Variants in PDSS2 observed in about 807,000 individuals in gnomAD.
The protein encoded by PDSS2 is decaprenyl diphosphate synthase subunit 2.
In PDSS2, 31 loss-of-function variants were observed where a neutral mutation model predicts 44.5. That is an observed-to-expected ratio of 0.70 (90% CI 0.52 to 0.94). PDSS2 has a LOEUF of 0.94. Ranked by LOEUF, PDSS2 falls within the 40% of genes least tolerant of loss-of-function variation. PDSS2 has a pLI of 0.00. For missense variants in PDSS2, 452 were observed against 482.2 expected (o/e 0.94, Z 0.59); for synonymous variants, 157 against 180.3 (o/e 0.87, Z 1.03).
At chr6:107,439,531 G>C (rs1202294434) in intron 1 of PDSS2, among the ~76,000 whole-genome samples, 2 of 152,182 alleles carry the variant, frequency 1.3e-5, no homozygotes, top group Admixed American at 1.3e-4. Context: ...TGACCAGCAA[G>C]CTTGCAGAGG....
chr6:107,340,601 T>C (rs974152403), intron 1 of PDSS2, among the ~76,000 whole-genome samples: 1 of 152,186 alleles, frequency 6.6e-6, no homozygotes, highest in Non-Finnish European at 1.5e-5. Flanking sequence ...TATGGTTAAA[T>C]TGAATAATAC....
At chr6:107,281,001 A>G (rs572929941) in intron 2 of PDSS2, among the ~76,000 whole-genome samples, 6 of 152,190 alleles carry the variant, frequency 3.9e-5, no homozygotes, top group Non-Finnish European at 8.8e-5. Context: ...AGTCTGGCCA[A>G]TGAAATGTAA....
In PDSS2 at chr6:107,270,440, C is replaced by T. The variant is rs146735993; in HGVS notation, c.630+3589G>A. 4.6e-5 allele frequency among the ~76,000 whole-genome samples: 7 copies of T among 152,068 alleles called. No individual in the cohort carries two copies. The East Asian group carries it at 1.4e-3, about 29-fold the overall frequency. On this transcript the variant is annotated intron_variant, in intron 3 of 7. Transcript: ENST00000369037. ...AGTGTATTTTTCATCTGACATCCAC[C>T]GTGCCTGGCCTGAAGTGTATTTTTT...
intron 7 of PDSS2, among the ~76,000 whole-genome samples, chr6:107,183,894 C>CA (rs60428632): frequency 0.31 from 45,529 of 146,834 alleles, 7,240 homozygotes; most frequent in East Asian, 0.53. Context: ...GACTCCATCT[C>CA]AAAAAAAAAA....
intron 1 of PDSS2, among the ~76,000 whole-genome samples, chr6:107,429,738 G>A (rs1419838231): frequency 2.0e-5 from 3 of 151,126 alleles, no homozygotes; most frequent in African/African-American, 4.9e-5. Flanking sequence ...TACAAAATTA[G>A]CTGGGCGTGG....
intron 1 of PDSS2, among the ~76,000 whole-genome samples, chr6:107,396,687 T>C (rs1562511859): frequency 7.0e-6 from 1 of 142,804 alleles, no homozygotes; most frequent in Non-Finnish European, 1.5e-5. Flanking sequence ...TCTTTTTTTT[T>C]TTTTTTTTTT....
intron 1 of PDSS2, among the ~76,000 whole-genome samples, chr6:107,415,602 A>G (rs1780633496): frequency 1.3e-5 from 2 of 152,032 alleles, no homozygotes; most frequent in South Asian, 4.1e-4. Context: ...GCAATTAACA[A>G]CTCATTTATT....
At chr6:107,154,804 A>C in intron 7 of PDSS2, 27 bp from the exon 8 acceptor site, 1 of 1,612,208 alleles carries the variant, frequency 6.2e-7, no homozygotes. Flanking sequence ...GCATGATAAA[A>C]GTCAGTTTTA....
intron 7 of PDSS2, among the ~76,000 whole-genome samples, chr6:107,178,874 A>G (rs1362467509): frequency 2.0e-5 from 3 of 152,164 alleles, no homozygotes; most frequent in African/African-American, 7.2e-5. Flanking sequence ...ACAAATAACA[A>G]AAGAGAATAC....
intron 7 of PDSS2, among the ~76,000 whole-genome samples, chr6:107,156,355 C>A (rs1022050084): frequency 6.6e-6 from 1 of 151,942 alleles, no homozygotes; most frequent in Non-Finnish European, 1.5e-5. Context: ...CCACCATGCC[C>A]GGCTAATTTT....
chr6:107,327,363 T>C (rs1482316515), intron 2 of PDSS2, among the ~76,000 whole-genome samples: 3 of 152,174 alleles, frequency 2.0e-5, no homozygotes, highest in East Asian at 1.9e-4. Context: ...TCAAGACTTA[T>C]AGATACCAGA....
intron 7 of PDSS2, among the ~76,000 whole-genome samples, chr6:107,159,083 G>C (rs1771020481): frequency 6.6e-6 from 1 of 152,018 alleles, no homozygotes; most frequent in Admixed American, 6.6e-5. Flanking sequence ...CGGACTGCTG[G>C]GGGGACTACA....
chr6:107,223,537 AAAACAAACAAAC>A (rs879281600), intron 4 of PDSS2, among the ~76,000 whole-genome samples: 8 of 150,706 alleles, frequency 5.3e-5, no homozygotes, highest in Non-Finnish European at 8.8e-5. Flanking sequence ...TCCATCTCAA[AAAACAAACAAAC>A]AAACAAACAA....
At chr6:107,292,398 G>A (rs1159443289) in intron 2 of PDSS2, among the ~76,000 whole-genome samples, 1 of 152,104 alleles carries the variant, frequency 6.6e-6, no homozygotes, top group Non-Finnish European at 1.5e-5. Context: ...CAGTATTGAT[G>A]TGTTCTGTAA....
chr6:107,363,878 G>A (rs990338131), intron 1 of PDSS2, among the ~76,000 whole-genome samples: 12 of 152,200 alleles, frequency 7.9e-5, no homozygotes, highest in Non-Finnish European at 1.5e-4. Flanking sequence ...GTCCCCACCA[G>A]AGCAGCTAGA....
At position 107,278,487 on chromosome 6, in the gene PDSS2, T is replaced by C. The variant is rs529546646; in HGVS notation, c.432-4260A>G. On this transcript the variant is annotated intron_variant, in intron 2 of 7. Coordinates refer to ENST00000369037, the MANE Select transcript of PDSS2 (RefSeq NM_020381.4). ...ACCATTCACTGAAAAAAGTCCGCAT[T>C]ATCACATTTCACAAAAATCACATAA... 4.5e-4 allele frequency among the ~76,000 whole-genome samples: 69 copies of C among 152,220 alleles called. 1 individual carries two copies. Among genetic ancestry groups the C allele is most frequent in the Non-Finnish European group, 8.5e-4 (58 of 68,042 alleles).
rs909203825 is a variant in PDSS2, at chr6:107,320,357, A to G, written c.431+13841T>C. ...ACAGGATACAAATTACTCATGGACA[A>G]GAGAAAATCTTGTAGGTGCATAATC... On this transcript the variant is annotated intron_variant, in intron 2 of 7. Transcript: ENST00000369037. 2.6e-4 allele frequency among the ~76,000 whole-genome samples: 40 copies of G among 152,250 alleles called. 1 individual carries two copies. Among genetic ancestry groups the G allele is most frequent in the Non-Finnish European group, 1.0e-4 (7 of 68,048 alleles).
At chr6:107,304,674 C>T (rs1380429764) in intron 2 of PDSS2, among the ~76,000 whole-genome samples, 1 of 152,206 alleles carries the variant, frequency 6.6e-6, no homozygotes, top group African/African-American at 2.4e-5. Flanking sequence ...AGAACAATAA[C>T]TTCAATAGTA....
intron 2 of PDSS2, among the ~76,000 whole-genome samples, chr6:107,284,505 A>G (rs1388702361): frequency 6.6e-6 from 1 of 152,034 alleles, no homozygotes; most frequent in Non-Finnish European, 1.5e-5. Flanking sequence ...TACTAAAAAT[A>G]CAAAAATTAG....
Sources: gnomAD v4.1 joint callset for allele counts (sites outside exome capture counted in the v4.1 genomes callset) on GRCh38, gnomAD v4.1.1 for gene constraint, MANE v1.5 for transcripts, NCBI Gene and HGNC (gene_info 2026-07-23, HGNC 2026-07-21) for gene names.